Variants in TSHZ2 observed in about 807,000 individuals in gnomAD.
TSHZ2 encodes teashirt homolog 2.
In TSHZ2, 21 loss-of-function variants were observed where a neutral mutation model predicts 74.4. The observed-to-expected ratio is 0.28, with a 90% CI of 0.20 to 0.41. The LOEUF is 0.41. Among genes scored for constraint, TSHZ2 ranks in the 10% least tolerant of loss-of-function variants. The probability of loss-of-function intolerance (pLI) is 1.00; values close to 1 mark genes in which losing one functional copy is unlikely to be tolerated. For synonymous variants in TSHZ2, 540 were observed against 515.3 expected, an observed-to-expected ratio of 1.05 and a Z score of -0.65; for missense variants, 1,244 against 1,293.5, an observed-to-expected ratio of 0.96 and a Z score of 0.59.
At chr20:53,160,058 C>G (rs1369414414) in intron 1 of TSHZ2, among the ~76,000 whole-genome samples, 1 of 152,128 alleles carries the variant, frequency 6.6e-6, no homozygotes, top group Non-Finnish European at 1.5e-5. Flanking sequence ...AAGGGAGGGT[C>G]CACATATGAA....
chr20:53,333,295 T>C (rs1239869762), intron 2 of TSHZ2, among the ~76,000 whole-genome samples: 5 of 152,092 alleles, frequency 3.3e-5, no homozygotes, highest in East Asian at 1.9e-4. Context: ...AGAGAGAGCA[T>C]TGAGTTATAA....
chr20:53,275,616 G>A (rs985943048), intron 2 of TSHZ2, among the ~76,000 whole-genome samples: 8 of 152,092 alleles, frequency 5.3e-5, no homozygotes, highest in African/African-American at 1.9e-4. Flanking sequence ...GACACTTTTG[G>A]AAGCAATGGT....
chr20:53,226,073 G>A lies in TSHZ2; in HGVS notation c.41-27426G>A, dbSNP rs76037137. 1.2e-3 allele frequency among the ~76,000 whole-genome samples: 186 copies of A among 149,828 alleles called. 4 individuals carry two copies. In the East Asian group the frequency reaches 0.029, roughly 23 times the overall value. On this transcript the variant is annotated intron_variant, in intron 1 of 2. Transcript: ENST00000371497. ...GTATACATAGACATTATCATGAAAA[G>A]GATGAAAACCATAAGTTTAAAGAAG...
intron 2 of TSHZ2, among the ~76,000 whole-genome samples, chr20:53,364,685 T>C (rs938778045): frequency 6.6e-6 from 1 of 152,192 alleles, no homozygotes. Flanking sequence ...CAGTGGGAAA[T>C]TTCCCAGATA....
chr20:53,227,804 G>A (rs1179829543), intron 1 of TSHZ2, among the ~76,000 whole-genome samples: 1 of 152,120 alleles, frequency 6.6e-6, no homozygotes, highest in Non-Finnish European at 1.5e-5. Flanking sequence ...GATCTGTTCA[G>A]AGCTATATCA....
intron 2 of TSHZ2, among the ~76,000 whole-genome samples, chr20:53,368,143 T>G (rs1981337785): frequency 6.6e-6 from 1 of 151,916 alleles, no homozygotes; most frequent in African/African-American, 2.4e-5. Context: ...CATTTGCTTC[T>G]TGGTTTTTCG....
chr20:53,246,479 G>A (rs1600765007), intron 1 of TSHZ2, among the ~76,000 whole-genome samples: 3 of 152,214 alleles, frequency 2.0e-5, no homozygotes, highest in South Asian at 4.1e-4. Context: ...CACCTGGCCC[G>A]CTTCGCCCAT....
At chr20:53,189,010 T>G (rs1207205926) in intron 1 of TSHZ2, among the ~76,000 whole-genome samples, 1 of 152,196 alleles carries the variant, frequency 6.6e-6, no homozygotes, top group Non-Finnish European at 1.5e-5. Flanking sequence ...AGCACACAGC[T>G]TAGAAGTAGC....
chr20:52,984,940 A>G (rs917031798), intron 1 of TSHZ2, among the ~76,000 whole-genome samples: 3 of 152,124 alleles, frequency 2.0e-5, no homozygotes, highest in Non-Finnish European at 2.9e-5. Flanking sequence ...TCTGTCTTCT[A>G]TTTTTCTCCT....
chr20:53,464,577 TCAGCCTCC>T (rs1985499226), intron 2 of TSHZ2, among the ~76,000 whole-genome samples: 1 of 152,154 alleles, frequency 6.6e-6, no homozygotes, highest in Admixed American at 6.5e-5. Flanking sequence ...TTCTCCTACC[TCAGCCTCC>T]CAAGTAGCTG....
intron 2 of TSHZ2, among the ~76,000 whole-genome samples, chr20:53,386,667 T>G (rs1258792369): frequency 6.6e-6 from 1 of 152,202 alleles, no homozygotes; most frequent in African/African-American, 2.4e-5. Flanking sequence ...ACCGGGAGTT[T>G]GCATTGTATC....
intron 2 of TSHZ2, among the ~76,000 whole-genome samples, chr20:53,473,265 G>C (rs1985884795): frequency 1.4e-5 from 2 of 143,674 alleles, no homozygotes; most frequent in African/African-American, 5.3e-5. Context: ...CTGTCTGACA[G>C]CTTTGAAGAG....
chr20:53,431,147 C>T (rs1983834519), intron 2 of TSHZ2, among the ~76,000 whole-genome samples: 1 of 152,008 alleles, frequency 6.6e-6, no homozygotes, highest in Non-Finnish European at 1.5e-5. Context: ...CCTGTATTAA[C>T]ATCACTAAGA....
intron 1 of TSHZ2, among the ~76,000 whole-genome samples, chr20:53,094,553 G>A (rs1013771976): frequency 4.6e-5 from 7 of 152,102 alleles, no homozygotes; most frequent in Admixed American, 6.5e-5. Flanking sequence ...TGGGAAGTGC[G>A]ATTTTCAAAT....
intron 1 of TSHZ2, among the ~76,000 whole-genome samples, chr20:53,103,778 T>C (rs1288490140): frequency 6.6e-6 from 1 of 152,238 alleles, no homozygotes; most frequent in African/African-American, 2.4e-5. Context: ...GGTGCAGATT[T>C]TGATGCTCCA....
intron 2 of TSHZ2, among the ~76,000 whole-genome samples, chr20:53,329,423 T>C (rs954733503): frequency 1.3e-5 from 2 of 152,228 alleles, no homozygotes; most frequent in Non-Finnish European, 2.9e-5. Flanking sequence ...CCCAGGACTG[T>C]ATTTCTGTGA....
chr20:53,428,118 G>A (rs1392526219), intron 2 of TSHZ2, among the ~76,000 whole-genome samples: 2 of 152,228 alleles, frequency 1.3e-5, no homozygotes, highest in Non-Finnish European at 2.9e-5. Flanking sequence ...CCAGGAATGA[G>A]AAGTCTCTGT....
intron 1 of TSHZ2, among the ~76,000 whole-genome samples, chr20:53,016,908 G>A (rs920607615): frequency 2.0e-5 from 3 of 152,108 alleles, no homozygotes; most frequent in African/African-American, 4.8e-5. Flanking sequence ...CCTTTTACTC[G>A]TGAGTTGCAG....
intron 1 of TSHZ2, among the ~76,000 whole-genome samples, chr20:53,082,963 C>A (rs1456016374): frequency 6.6e-6 from 1 of 152,158 alleles, no homozygotes. Flanking sequence ...AAGGCCAGAG[C>A]CTTGACACTT....
Sources: gnomAD v4.1 joint callset for allele counts (sites outside exome capture counted in the v4.1 genomes callset) on GRCh38, gnomAD v4.1.1 for gene constraint, MANE v1.5 for transcripts, NCBI Gene and HGNC (gene_info 2026-07-23, HGNC 2026-07-21) for gene names.